The following MAML2 variants were observed in gnomAD, a reference collection of about 807,000 sequenced individuals.
MAML2 encodes the protein mastermind-like protein 2.
Under a neutral mutation model 96.1 loss-of-function variants are expected in MAML2, and 22 were observed. The ratio of observed to expected loss-of-function variants is 0.23; its 90% confidence interval spans 0.16 to 0.33. The LOEUF is 0.33. Among genes scored for constraint, MAML2 ranks in the 10% least tolerant of loss-of-function variants. The pLI is 1.00. For missense variants in MAML2, 1,367 were observed against 1,392.4 expected, an observed-to-expected ratio of 0.98 and a Z score of 0.29; for synonymous variants, 561 against 521.3, an observed-to-expected ratio of 1.08 and a Z score of -1.04.
At chr11:96,206,779 A>C (rs953548672) in intron 1 of MAML2, among the ~76,000 whole-genome samples, 4 of 152,192 alleles carry the variant, frequency 2.6e-5, no homozygotes, top group African/African-American at 9.6e-5. Flanking sequence ...TTGGTTATGG[A>C]TTTTGGAGCA....
At chr11:96,306,233 T>C (rs945394705) in intron 1 of MAML2, among the ~76,000 whole-genome samples, 9 of 152,206 alleles carry the variant, frequency 5.9e-5, no homozygotes, top group Non-Finnish European at 1.3e-4. Flanking sequence ...TGTTGACATC[T>C]GTTTTAGGCT....
intron 4 of MAML2, among the ~76,000 whole-genome samples, chr11:95,981,150 A>C (rs769457600): frequency 6.6e-6 from 1 of 152,212 alleles, no homozygotes; most frequent in Non-Finnish European, 1.5e-5. Context: ...TTTTTGCCGA[A>C]TAAATTCCAT....
chr11:95,979,231 T>C lies in MAML2; in HGVS notation c.3188A>G (p.Asn1063Ser). ...CTGATTCAACCCTGTTCCTGACTGA[T>C]TCAAATTAGGCAAAATCTGTGTGCT... Reference protein sequence around the residue: ...QLSTQILPNLNQSGTGLNQSR... With the variant: ...QLSTQILPNLSQSGTGLNQSR... The change falls in exon 5 of 5, where the codon AAT becomes AGT. Residue 1063 changes from asparagine to serine, a missense_variant. Transcript: ENST00000524717. The C allele has an allele frequency of 6.2e-7, 1 of 1,614,012 alleles. No homozygotes were observed. Among genetic ancestry groups the C allele is most frequent in the Non-Finnish European group, 8.5e-7 (1 of 1,179,888 alleles).
At chr11:96,332,879 T>C (rs1327251761) in intron 1 of MAML2, among the ~76,000 whole-genome samples, 1 of 152,206 alleles carries the variant, frequency 6.6e-6, no homozygotes, top group Non-Finnish European at 1.5e-5. Flanking sequence ...GTACAGTACA[T>C]ATTGTATTCA....
intron 1 of MAML2, among the ~76,000 whole-genome samples, chr11:96,120,460 G>T (rs533791172): frequency 6.6e-6 from 1 of 152,218 alleles, no homozygotes; most frequent in Non-Finnish European, 1.5e-5. Flanking sequence ...ACATGCTCAG[G>T]TATGAAGCCA....
At chr11:95,991,174 G>A (rs1265907069) in intron 3 of MAML2, among the ~76,000 whole-genome samples, 1 of 152,170 alleles carries the variant, frequency 6.6e-6, no homozygotes. Flanking sequence ...TTGGATTTGA[G>A]TTGATTCAAG....
At chr11:96,108,863 A>T (rs1222341572) in intron 1 of MAML2, among the ~76,000 whole-genome samples, 1 of 151,990 alleles carries the variant, frequency 6.6e-6, no homozygotes, top group Non-Finnish European at 1.5e-5. Flanking sequence ...CAAAACCCAG[A>T]TTCTACAAAA....
chr11:96,094,966 A>C (rs1174024585), intron 1 of MAML2, among the ~76,000 whole-genome samples: 1 of 152,212 alleles, frequency 6.6e-6, no homozygotes, highest in Non-Finnish European at 1.5e-5. Context: ...CAAACACTTG[A>C]ATATGGTTAC....
chr11:96,113,013 G>T (rs1377163511), intron 1 of MAML2, among the ~76,000 whole-genome samples: 4 of 152,030 alleles, frequency 2.6e-5, no homozygotes, highest in Non-Finnish European at 5.9e-5. Context: ...GAGCAAAAAG[G>T]CAACAATACA....
At chr11:96,078,885 T>C (rs1432195627) in intron 2 of MAML2, among the ~76,000 whole-genome samples, 1 of 152,268 alleles carries the variant, frequency 6.6e-6, no homozygotes, top group Non-Finnish European at 1.5e-5. Context: ...CTGCTTTGTT[T>C]CCAACAAGGA....
At position 96,268,761 on chromosome 11, in the gene MAML2, C is replaced by CTAAAATTGCTGGAGTCTCTACCAGATAT. The variant is rs1491459857; in HGVS notation, c.513+72621_513+72622insATATCTGGTAGAGACTCCAGCAATTTTA. Reference sequence around the variant, plus strand: ...TCTGATGGTTTTATAAAGGGGAGTTCCCCTGCACACGATCTGTTGTCTGCC... The same window carrying CTAAAATTGCTGGAGTCTCTACCAGATAT: ...TCTGATGGTTTTATAAAGGGGAGTTCTAAAATTGCTGGAGTCTCTACCAGATATCCCTGCACACGATCTGTTGTCTGCC... On this transcript the variant is annotated intron_variant, in intron 1 of 4. Transcript: ENST00000524717. Among the ~76,000 whole-genome samples, 58 of 146,180 alleles carry CTAAAATTGCTGGAGTCTCTACCAGATAT rather than the reference C, an allele frequency of 4.0e-4. 2 individuals carry two copies. The highest frequency in any genetic ancestry group is 7.2e-4 in the Admixed American group (10 of 13,980).
chr11:96,182,881 C>T (rs750493549), intron 1 of MAML2, among the ~76,000 whole-genome samples: 6 of 151,796 alleles, frequency 4.0e-5, no homozygotes, highest in African/African-American at 7.3e-5. Flanking sequence ...TTTTTGTTGT[C>T]GCTATCATAC....
intron 1 of MAML2, among the ~76,000 whole-genome samples, chr11:96,274,471 TTTTG>T (rs1862959989): frequency 6.6e-6 from 1 of 152,220 alleles, no homozygotes; most frequent in Admixed American, 6.5e-5. Context: ...GTTGTTGTAT[TTTTG>T]TTTCTCTGTT....
At chr11:96,006,359 C>T (rs1401777638) in intron 2 of MAML2, among the ~76,000 whole-genome samples, 1 of 152,036 alleles carries the variant, frequency 6.6e-6, no homozygotes. Context: ...AAAATGATAA[C>T]CTTAAATGAA....
At chr11:96,271,414 G>C (rs1329865454) in intron 1 of MAML2, among the ~76,000 whole-genome samples, 3 of 152,156 alleles carry the variant, frequency 2.0e-5, no homozygotes, top group Non-Finnish European at 4.4e-5. Context: ...GCCAGGACTG[G>C]AATGATATAG....
At chr11:96,203,585 T>C (rs1861855773) in intron 1 of MAML2, among the ~76,000 whole-genome samples, 1 of 152,226 alleles carries the variant, frequency 6.6e-6, no homozygotes, top group African/African-American at 2.4e-5. Flanking sequence ...AAAAACATAG[T>C]ATCCTTTCTC....
intron 1 of MAML2, among the ~76,000 whole-genome samples, chr11:96,323,741 G>T (rs112568465): frequency 1.4e-3 from 218 of 152,266 alleles, no homozygotes; most frequent in African/African-American, 4.5e-3. Context: ...CTCAGAAACC[G>T]GTCAGCCATG....
At chr11:96,222,191 T>G (rs1862150176) in intron 1 of MAML2, among the ~76,000 whole-genome samples, 1 of 152,206 alleles carries the variant, frequency 6.6e-6, no homozygotes, top group Non-Finnish European at 1.5e-5. Context: ...TTACAAATGC[T>G]GCTCAGGGAT....
At chr11:96,120,118 C>A (rs972759641) in intron 1 of MAML2, among the ~76,000 whole-genome samples, 7 of 152,054 alleles carry the variant, frequency 4.6e-5, no homozygotes, top group African/African-American at 1.7e-4. Context: ...CCAGCACGCC[C>A]GGCTAATTTT....
Sources: allele counts gnomAD v4.1 joint callset (sites outside exome capture counted in the v4.1 genomes callset), GRCh38; gene constraint gnomAD v4.1.1; transcripts MANE v1.5; gene names NCBI Gene and HGNC (gene_info 2026-07-23, HGNC 2026-07-21).